Variants in TDRD9 observed in about 807,000 individuals in gnomAD.
TDRD9 encodes the protein tudor domain containing 9, also known as ATP-dependent RNA helicase TDRD9.
In TDRD9, 124 loss-of-function variants were observed where a neutral mutation model predicts 172.6. That is an observed-to-expected ratio of 0.72 (90% CI 0.62 to 0.83). The LOEUF (loss-of-function observed/expected upper bound fraction) is 0.83. TDRD9 is among the 40% of genes least tolerant of loss of function. The probability of loss-of-function intolerance (pLI) is 0.00; values close to 1 mark genes in which losing one functional copy is unlikely to be tolerated. For synonymous variants in TDRD9, 619 were observed against 617.1 expected (o/e 1.00, Z -0.05); for missense variants, 1,479 against 1,714.1 (o/e 0.86, Z 2.42).
chr14:103,995,653 C>T, intron 11 of TDRD9, 97 bp from the exon 12 acceptor site: 1 of 1,091,018 alleles, frequency 9.2e-7, no homozygotes, highest in South Asian at 1.8e-5. Flanking sequence ...TATTTACATT[C>T]AGAAGCTTTA....
At chr14:103,979,679 G>C (rs1045716830) in intron 7 of TDRD9, among the ~76,000 whole-genome samples, 7 of 152,148 alleles carry the variant, frequency 4.6e-5, no homozygotes, top group Non-Finnish European at 7.3e-5. Context: ...AGATTTGGAG[G>C]GGACAAACTA....
intron 28 of TDRD9, among the ~76,000 whole-genome samples, chr14:104,030,039 TAGCC>T (rs1468079309): frequency 2.6e-5 from 4 of 152,196 alleles, no homozygotes; most frequent in Non-Finnish European, 4.4e-5. Flanking sequence ...AGCAAAATGT[TAGCC>T]AGAGTGCTGG....
At position 103,970,636 on chromosome 14, in the gene TDRD9, A is replaced by G; in HGVS notation, c.846+15A>G. ...GTTTTGTGAAGGTAAATTTGATTTCATGAGTAACAGACATATTTAGGATTA... is the reference window on the plus strand; with the variant it reads ...GTTTTGTGAAGGTAAATTTGATTTCGTGAGTAACAGACATATTTAGGATTA... On this transcript the variant is annotated intron_variant, in intron 6 of 35. Transcript: ENST00000409874. 24 of 1,516,486 alleles carry G rather than the reference A, an allele frequency of 1.6e-5. No individual in the cohort carries two copies. The highest frequency in any genetic ancestry group is 2.2e-5 in the Non-Finnish European group (24 of 1,114,962). The allele number at this position is 1,516,486 out of a possible 1,614,324, so 93.9% of individuals were successfully genotyped here. A position where few individuals can be genotyped will look rare whatever the true frequency, so the allele number is the denominator to read the frequency against.
intron 13 of TDRD9, among the ~76,000 whole-genome samples, chr14:103,999,961 TTTTG>T (rs1164427430): frequency 2.0e-5 from 3 of 152,116 alleles, no homozygotes; most frequent in Non-Finnish European, 2.9e-5. Flanking sequence ...TTCTTAACCT[TTTTG>T]TTATATCACC....
intron 20 of TDRD9, among the ~76,000 whole-genome samples, chr14:104,012,123 T>A (rs1411177782): frequency 6.6e-6 from 1 of 152,338 alleles, no homozygotes; most frequent in Non-Finnish European, 1.5e-5. Flanking sequence ...AGAGTACCCA[T>A]GTGACTGACT....
chr14:103,972,875 T>A lies in TDRD9; in HGVS notation c.846+2254T>A, dbSNP rs778336150. 3.9e-5 allele frequency among the ~76,000 whole-genome samples: 6 copies of A among 152,344 alleles called. No individual in the cohort carries two copies. The South Asian group carries it at 6.2e-4, about 16-fold the overall frequency. ...TTGCTTGAGGTGACTATGAAATGAA[T>A]GAGAGAATTTGGCTATTTCAGTCCT... On this transcript the variant is annotated intron_variant, in intron 6 of 35. Coordinates refer to ENST00000409874, the MANE Select transcript of TDRD9 (RefSeq NM_153046.3).
rs954023390 is a variant in TDRD9 at position 103,980,407 on chromosome 14, AGAGAGAGAGAG to A, written c.1011+4867_1011+4877del. ...CCCTTCCCTGCCTGGCAGCCAAGGC[AGAGAGAGAGAG>A]GAGAGAGAGAGGGAGAGACAGCTTA... On this transcript the variant is annotated intron_variant, in intron 7 of 35. Transcript: ENST00000409874. The surrounding 1 kb of genome is among the most constrained non-coding windows in gnomAD (Gnocchi z 4.5). 1.3e-5 allele frequency among the ~76,000 whole-genome samples: 2 copies of A among 151,680 alleles called. No individual in the cohort carries two copies. The highest frequency in any genetic ancestry group is 6.6e-5 in the Admixed American group (1 of 15,230).
chr14:103,939,764 T>TTTTTTTTTTTTTTTTTTA (rs61621268), intron 1 of TDRD9: 1 of 133,076 alleles, frequency 7.5e-6, no homozygotes, highest in Non-Finnish European at 1.6e-5. Context: ...TTTTTTTTTT[T>TTTTTTTTTTTTTTTTTTA]GAGACAAGGT....
At chr14:103,985,288 G>A (rs537847094) in intron 7 of TDRD9, among the ~76,000 whole-genome samples, 4 of 152,260 alleles carry the variant, frequency 2.6e-5, no homozygotes, top group African/African-American at 7.2e-5. Flanking sequence ...CACCTGTTAT[G>A]GGAGGGACCC....
chr14:103,940,958 C>CA (rs747006758), intron 1 of TDRD9: 1 of 1,535,322 alleles, frequency 6.5e-7, no homozygotes, highest in African/African-American at 1.4e-5. Flanking sequence ...ACAGAAGGAG[C>CA]AGAGCAGTCC....
In TDRD9 at chr14:103,985,850, G is replaced by A. The variant is rs73354461; in HGVS notation, c.1012-367G>A. 9.6e-3 allele frequency among the ~76,000 whole-genome samples: 1,468 copies of A among 152,288 alleles called. 23 individuals are homozygous for A. The highest frequency in any genetic ancestry group is 0.034 in the African/African-American group (1,409 of 41,548). On this transcript the variant is annotated intron_variant, in intron 7 of 35. Transcript: ENST00000409874. ...GAGGTGGGGGTTTGACAGAGGGGAA[G>A]GGCATTGGCTTTGAGATCAGGAACT...
chr14:104,048,778 G>T (rs1447542709), intron 34 of TDRD9, among the ~76,000 whole-genome samples: 1 of 152,192 alleles, frequency 6.6e-6, no homozygotes, highest in African/African-American at 2.4e-5. Flanking sequence ...CAAGCAGGAT[G>T]TGGCGTGAGG....
chr14:103,993,919 C>G (rs1233037105), intron 9 of TDRD9, among the ~76,000 whole-genome samples: 1 of 152,220 alleles, frequency 6.6e-6, no homozygotes, highest in African/African-American at 2.4e-5. Flanking sequence ...TAGCTTTCAG[C>G]AAACAGGACG....
At chr14:103,965,947 A>G (rs1036119186) in intron 4 of TDRD9, among the ~76,000 whole-genome samples, 8 of 151,976 alleles carry the variant, frequency 5.3e-5, no homozygotes, top group Non-Finnish European at 1.2e-4. Context: ...TCTGTCTCAA[A>G]ACAAAAAACA....
At chr14:104,050,940 G>A (rs1420086855) in intron 35 of TDRD9, among the ~76,000 whole-genome samples, 1 of 152,220 alleles carries the variant, frequency 6.6e-6, no homozygotes, top group Non-Finnish European at 1.5e-5. Flanking sequence ...AGTAAAGCTT[G>A]CCATAGTATT....
At chr14:104,002,330 A>AG (rs1175175471) in intron 13 of TDRD9, among the ~76,000 whole-genome samples, 2 of 59,538 alleles carry the variant, frequency 3.4e-5, no homozygotes, top group Non-Finnish European at 7.0e-5. Context: ...AAAAAAAAAA[A>AG]AAAAAAAGAA....
chr14:103,952,220 A>ATATATT (rs1595907597), intron 1 of TDRD9, among the ~76,000 whole-genome samples: 2 of 32,336 alleles, frequency 6.2e-5, no homozygotes, highest in Non-Finnish European at 1.0e-4. Flanking sequence ...ATATATATAT[A>ATATATT]TTTTTTTTTT....
intron 2 of TDRD9, among the ~76,000 whole-genome samples, chr14:103,956,100 AAAAAAAAAAAAAT>A (rs2032190729): frequency 1.8e-5 from 1 of 55,530 alleles, no homozygotes; most frequent in African/African-American, 7.3e-5. Flanking sequence ...AAAAAAAAAA[AAAAAAAAAAAAAT>A]ATATATATAT....
At chr14:103,956,103 AAAAAAAAAATATATATATATATATAT>A (rs1294891581) in intron 2 of TDRD9, among the ~76,000 whole-genome samples, 6 of 50,250 alleles carry the variant, frequency 1.2e-4, no homozygotes, top group African/African-American at 4.1e-4. Flanking sequence ...AAAAAAAAAA[AAAAAAAAAATATATATATATATATAT>A]ATATATATAT....
Sources: gnomAD v4.1 joint callset for allele counts (sites outside exome capture counted in the v4.1 genomes callset) on GRCh38, gnomAD v4.1.1 for gene constraint, Gnocchi (gnomAD v3.1) non-coding constraint, MANE v1.5 for transcripts, NCBI Gene and HGNC (gene_info 2026-07-23, HGNC 2026-07-21) for gene names.